Variants in OPCML observed in about 807,000 individuals in gnomAD.
OPCML encodes opioid-binding protein/cell adhesion molecule.
In OPCML, 13 loss-of-function variants were observed where a neutral mutation model predicts 37.8. The observed-to-expected ratio is 0.34, with a 90% CI of 0.22 to 0.55. The LOEUF (loss-of-function observed/expected upper bound fraction) is 0.55, where lower values mean the gene tolerates loss of function less well. OPCML is among the 20% of genes least tolerant of loss of function. The pLI is 0.91. For synonymous variants in OPCML, 176 were observed against 168.8 expected (o/e 1.04, Z -0.33); for missense variants, 341 against 435.6 (o/e 0.78, Z 1.93).
At chr11:133,403,897 T>A (rs1191720846) in intron 1 of OPCML, among the ~76,000 whole-genome samples, 3 of 152,218 alleles carry the variant, frequency 2.0e-5, no homozygotes, top group African/African-American at 7.2e-5. Context: ...CCAAGCACTC[T>A]CCTAGGTGTT....
intron 1 of OPCML, among the ~76,000 whole-genome samples, chr11:133,398,030 C>T (rs2136829141): frequency 6.6e-6 from 1 of 152,224 alleles, no homozygotes; most frequent in East Asian, 1.9e-4. Context: ...TCACCTAGTC[C>T]CTCTTGTCGC....
At chr11:133,271,989 C>T (rs773714229) in intron 1 of OPCML, among the ~76,000 whole-genome samples, 2 of 152,176 alleles carry the variant, frequency 1.3e-5, no homozygotes, top group Non-Finnish European at 2.9e-5. Flanking sequence ...TTGGGGTGGA[C>T]ACCCACTCAC....
At chr11:132,574,837 G>A (rs572015071) in intron 3 of OPCML, among the ~76,000 whole-genome samples, 7 of 151,870 alleles carry the variant, frequency 4.6e-5, no homozygotes, top group East Asian at 1.9e-4. Flanking sequence ...AGTTCTGTCC[G>A]GCATCAAAAG....
intron 1 of OPCML, among the ~76,000 whole-genome samples, chr11:133,428,372 G>A (rs1026673024): frequency 6.6e-6 from 1 of 152,168 alleles, no homozygotes; most frequent in Admixed American, 6.5e-5. Context: ...CTCTGCAGAA[G>A]TTTTAGGCAA....
At chr11:132,545,061 T>G (rs1406385300) in intron 3 of OPCML, among the ~76,000 whole-genome samples, 1 of 152,222 alleles carries the variant, frequency 6.6e-6, no homozygotes, top group Non-Finnish European at 1.5e-5. Context: ...ATTGTCTATT[T>G]TTATGTACCT....
intron 2 of OPCML, among the ~76,000 whole-genome samples, chr11:132,905,527 C>T (rs955491305): frequency 6.6e-6 from 1 of 152,088 alleles, no homozygotes; most frequent in African/African-American, 2.4e-5. Flanking sequence ...GCCACCACAC[C>T]CAGCCTGGAA....
At chr11:133,112,546 T>A (rs751603393) in intron 1 of OPCML, among the ~76,000 whole-genome samples, 6 of 152,094 alleles carry the variant, frequency 3.9e-5, no homozygotes, top group Non-Finnish European at 8.8e-5. Flanking sequence ...TGAGGCATCT[T>A]TCAGATGTTT....
chr11:132,480,359 T>C (rs1592239896), intron 4 of OPCML, among the ~76,000 whole-genome samples: 1 of 152,164 alleles, frequency 6.6e-6, no homozygotes, highest in African/African-American at 2.4e-5. Flanking sequence ...TGAAGAAATA[T>C]GGGACTATGT....
chr11:132,761,468 C>T (rs898459161), intron 2 of OPCML, among the ~76,000 whole-genome samples: 4 of 152,090 alleles, frequency 2.6e-5, no homozygotes, highest in Non-Finnish European at 5.9e-5. Context: ...TTACTGTTTT[C>T]ACATAGTCCC....
intron 1 of OPCML, among the ~76,000 whole-genome samples, chr11:133,382,968 C>T (rs1451001657): frequency 6.6e-6 from 1 of 152,188 alleles, no homozygotes; most frequent in Non-Finnish European, 1.5e-5. Flanking sequence ...AGTAATGGCA[C>T]AGACATGTGG....
intron 2 of OPCML, among the ~76,000 whole-genome samples, chr11:132,915,196 C>T (rs1315296143): frequency 1.3e-5 from 2 of 152,150 alleles, no homozygotes; most frequent in African/African-American, 4.8e-5. Flanking sequence ...GTGTGTAAAC[C>T]ACCAGACCCT....
At chr11:132,881,745 C>G (rs895757374) in intron 2 of OPCML, among the ~76,000 whole-genome samples, 2 of 152,216 alleles carry the variant, frequency 1.3e-5, no homozygotes, top group Non-Finnish European at 2.9e-5. Flanking sequence ...TCAGCCTAAA[C>G]TGGATTTCCA....
At chr11:133,372,671 G>T (rs139748399) in intron 1 of OPCML, among the ~76,000 whole-genome samples, 78 of 152,284 alleles carry the variant, frequency 5.1e-4, no homozygotes, top group Non-Finnish European at 9.0e-4. Context: ...CACTTCACAG[G>T]TAATTATCAT....
chr11:132,659,036 C>T (rs1565753841), intron 2 of OPCML, among the ~76,000 whole-genome samples: 2 of 152,206 alleles, frequency 1.3e-5, no homozygotes, highest in South Asian at 2.1e-4. Context: ...TTCCAGGGCC[C>T]AACTGCATTC....
intron 1 of OPCML, among the ~76,000 whole-genome samples, chr11:133,181,004 C>A (rs1036261587): frequency 2.6e-5 from 4 of 152,074 alleles, no homozygotes; most frequent in Non-Finnish European, 4.4e-5. Flanking sequence ...GAATAACAAC[C>A]AAGCTAAATC....
chr11:133,489,662 A>C (rs1170826102), intron 1 of OPCML, among the ~76,000 whole-genome samples: 4 of 152,112 alleles, frequency 2.6e-5, no homozygotes, highest in Non-Finnish European at 5.9e-5. Context: ...ACTACCATTC[A>C]ATCCATCAAC....
chr11:133,229,433 G>A (rs1198737326), intron 1 of OPCML, among the ~76,000 whole-genome samples: 1 of 152,168 alleles, frequency 6.6e-6, no homozygotes, highest in Non-Finnish European at 1.5e-5. Flanking sequence ...ATGTCAAAGA[G>A]AAGCTGTAAA....
chr11:133,479,085 A>G (rs1260956704), intron 1 of OPCML, among the ~76,000 whole-genome samples: 1 of 152,240 alleles, frequency 6.6e-6, no homozygotes, highest in Non-Finnish European at 1.5e-5. Flanking sequence ...TGACTTATGT[A>G]GCGTTTAGCA....
intron 1 of OPCML, among the ~76,000 whole-genome samples, chr11:133,148,469 T>C (rs1396011637): frequency 6.6e-6 from 1 of 152,174 alleles, no homozygotes; most frequent in African/African-American, 2.4e-5. Context: ...GGGAGGGAAG[T>C]ATCGCTGGCT....
Sources: allele counts gnomAD v4.1 joint callset (sites outside exome capture counted in the v4.1 genomes callset), GRCh38; gene constraint gnomAD v4.1.1; transcripts MANE v1.5; gene names NCBI Gene and HGNC (gene_info 2026-07-23, HGNC 2026-07-21).